Variants in NPAS3 observed in about 807,000 individuals in gnomAD.
NPAS3 encodes the protein neuronal PAS domain-containing protein 3.
Under a neutral mutation model 73.1 loss-of-function variants are expected in NPAS3, and 14 were observed. The ratio of observed to expected loss-of-function variants is 0.19; its 90% CI spans 0.13 to 0.30. NPAS3 has a LOEUF of 0.30. Among genes scored for constraint, NPAS3 ranks in the 10% least tolerant of loss-of-function variants. NPAS3 has a pLI of 1.00. For missense variants in NPAS3, 1,096 were observed against 1,250.0 expected, an observed-to-expected ratio of 0.88 and a Z score of 1.86; for synonymous variants, 620 against 541.5, an observed-to-expected ratio of 1.14 and a Z score of -2.01.
intron 1 of NPAS3, among the ~76,000 whole-genome samples, chr14:32,988,305 T>G (rs1370475564): frequency 2.0e-5 from 3 of 152,194 alleles, no homozygotes. Flanking sequence ...CACAGCAGAC[T>G]TATGTCAAAG....
intron 4 of NPAS3, among the ~76,000 whole-genome samples, chr14:33,463,592 C>T (rs569853572): frequency 9.2e-5 from 14 of 152,172 alleles, no homozygotes; most frequent in Non-Finnish European, 1.6e-4. Flanking sequence ...CTCTGCCATT[C>T]CTAAAACAAT....
At position 33,498,998 on chromosome 14, in the gene NPAS3, G is replaced by A. The variant is rs988356830; in HGVS notation, c.469-61123G>A. On this transcript the variant is annotated intron_variant, in intron 4 of 11. Coordinates refer to ENST00000356141, the Ensembl canonical transcript of NPAS3. The stretch of plus-strand genomic sequence containing the variant: ...TGTGTGTGTGTGTGTGTGGTGGGAA[G>A]GGGGGTGTATAGACCTATAGATGAA... Among the ~76,000 whole-genome samples, 144 of 145,876 alleles carry A rather than the reference G, an allele frequency of 9.9e-4. 2 individuals are homozygous for A. Among genetic ancestry groups the A allele is most frequent in the Non-Finnish European group, 1.6e-3 (107 of 65,884 alleles).
intron 1 of NPAS3, among the ~76,000 whole-genome samples, chr14:32,965,505 A>G (rs1366342093): frequency 6.6e-5 from 10 of 152,226 alleles, no homozygotes; most frequent in Admixed American, 5.2e-4. Flanking sequence ...ACAAAATTCA[A>G]TGTTTCTTTA....
intron 6 of NPAS3, among the ~76,000 whole-genome samples, chr14:33,713,123 G>A (rs774337628): frequency 1.2e-4 from 19 of 152,104 alleles, no homozygotes; most frequent in Non-Finnish European, 2.6e-4. Flanking sequence ...CCTGAGTTTT[G>A]TTCCATTTTA....
At chr14:33,158,876 T>C (rs2139294459) in intron 2 of NPAS3, among the ~76,000 whole-genome samples, 1 of 152,288 alleles carries the variant, frequency 6.6e-6, no homozygotes, top group African/African-American at 2.4e-5. Flanking sequence ...TTTTACAAAA[T>C]TACTGGCCGG....
At chr14:33,440,564 C>T (rs557062692) in intron 4 of NPAS3, among the ~76,000 whole-genome samples, 11 of 152,250 alleles carry the variant, frequency 7.2e-5, no homozygotes, top group African/African-American at 2.4e-4. Flanking sequence ...GTTTGAAAGA[C>T]GTGATTCTTT....
intron 2 of NPAS3, among the ~76,000 whole-genome samples, chr14:33,069,341 C>T (rs1030228743): frequency 2.6e-5 from 4 of 152,120 alleles, no homozygotes; most frequent in South Asian, 2.1e-4. Flanking sequence ...TGTGTATGTA[C>T]GGATAATATC....
At chr14:33,537,948 A>G (rs1472861598) in intron 4 of NPAS3, among the ~76,000 whole-genome samples, 1 of 152,198 alleles carries the variant, frequency 6.6e-6, no homozygotes, top group Non-Finnish European at 1.5e-5. Flanking sequence ...TGCCTCAGCC[A>G]GGTGGTTCAT....
At chr14:33,591,050 C>T (rs921488218) in intron 5 of NPAS3, among the ~76,000 whole-genome samples, 1 of 152,166 alleles carries the variant, frequency 6.6e-6, no homozygotes, top group African/African-American at 2.4e-5. Context: ...CTACCACACA[C>T]GTTGTGGAGG....
intron 4 of NPAS3, among the ~76,000 whole-genome samples, chr14:33,462,452 A>G (rs1256121744): frequency 6.6e-6 from 1 of 152,168 alleles, no homozygotes; most frequent in Non-Finnish European, 1.5e-5. Flanking sequence ...CTACAAGCTG[A>G]CATGTTTAAT....
At chr14:33,605,124 GAAAT>G (rs1041304468) in intron 5 of NPAS3, among the ~76,000 whole-genome samples, 2 of 151,594 alleles carry the variant, frequency 1.3e-5, no homozygotes, top group African/African-American at 4.8e-5. Flanking sequence ...GAAAAGCAAT[GAAAT>G]AAAAAAGAAA....
At chr14:33,687,923 G>T (rs919918269) in intron 6 of NPAS3, among the ~76,000 whole-genome samples, 3 of 152,152 alleles carry the variant, frequency 2.0e-5, no homozygotes, top group African/African-American at 7.2e-5. Flanking sequence ...AGTTAATGGA[G>T]GTCTCCATTT....
intron 3 of NPAS3, among the ~76,000 whole-genome samples, chr14:33,232,874 A>C (rs2047902755): frequency 6.7e-6 from 1 of 150,066 alleles, no homozygotes; most frequent in African/African-American, 2.4e-5. Flanking sequence ...TTTCTCAGAG[A>C]CATTACAATT....
exon 11 of NPAS3, chr14:33,797,531 C>T (rs1193235147): frequency 1.9e-6 from 3 of 1,614,144 alleles, no homozygotes; most frequent in Non-Finnish European, 2.5e-6. Flanking sequence ...TCCGAATCCT[C>T]GGAGACATCC....
intron 1 of NPAS3, among the ~76,000 whole-genome samples, chr14:32,979,420 G>GA (rs1484372161): frequency 1.3e-5 from 2 of 151,910 alleles, no homozygotes; most frequent in Non-Finnish European, 2.9e-5. Context: ...TTAATAATTG[G>GA]AAAAAATCCT....
rs923858573 is a variant in NPAS3 at position 33,546,983 on chromosome 14, A to G, written c.469-13138A>G. Among the ~76,000 whole-genome samples the G allele has an allele frequency of 5.9e-4, 90 of 152,202 alleles. 2 individuals carry two copies. Among genetic ancestry groups the G allele is most frequent in the African/African-American group, 4.1e-4 (17 of 41,442 alleles). The stretch of plus-strand genomic sequence containing the variant: ...ATGAAAGGCTCCTGTCGTGGCAGGA[A>G]AGGAGTCAGAAAGGTAAAAATCTAG... On this transcript the variant is annotated intron_variant, in intron 4 of 11. Coordinates refer to ENST00000356141, the Ensembl canonical transcript of NPAS3.
At chr14:32,943,526 TTG>T (rs2036117936) in intron 1 of NPAS3, among the ~76,000 whole-genome samples, 1 of 152,098 alleles carries the variant, frequency 6.6e-6, no homozygotes. Flanking sequence ...TATGTTACAA[TTG>T]TGTCTGTTTG....
At chr14:33,248,298 A>C (rs2139872400) in intron 3 of NPAS3, among the ~76,000 whole-genome samples, 1 of 152,332 alleles carries the variant, frequency 6.6e-6, no homozygotes, top group South Asian at 2.1e-4. Flanking sequence ...TGTCATAAAA[A>C]CAATTTAAAA....
chr14:32,934,968 G>T, upstream of NPAS3: 2 of 1,315,712 alleles, frequency 1.5e-6, no homozygotes, highest in South Asian at 2.1e-5. This position sits in a 1 kb window ranked among gnomAD's most constrained non-coding sequence, Gnocchi z 4.1. Context: ...ACGGCACCCC[G>T]CAGAACGTCC....
Sources: allele counts gnomAD v4.1 joint callset (sites outside exome capture counted in the v4.1 genomes callset), GRCh38; gene constraint gnomAD v4.1.1; non-coding constraint Gnocchi (gnomAD v3.1); transcripts MANE v1.5; gene names NCBI Gene and HGNC (gene_info 2026-07-23, HGNC 2026-07-21).